GRM7: variants seen among roughly 807,000 people sequenced by gnomAD.
GRM7 encodes metabotropic glutamate receptor 7.
In GRM7, 35 loss-of-function variants were observed where a neutral mutation model predicts 84.5. The ratio of observed to expected loss-of-function variants is 0.41; its 90% CI spans 0.32 to 0.55. The LOEUF is 0.55. GRM7 is among the 20% of genes least tolerant of loss of function. The pLI is 0.19. For missense variants in GRM7, 1,003 were observed against 1,194.6 expected, an observed-to-expected ratio of 0.84 and a Z score of 2.36; for synonymous variants, 487 against 455.1, an observed-to-expected ratio of 1.07 and a Z score of -0.89.
chr3:7,226,988 A>C (rs1697004366), intron 2 of GRM7, among the ~76,000 whole-genome samples: 2 of 152,232 alleles, frequency 1.3e-5, no homozygotes, highest in South Asian at 4.1e-4. Context: ...TTCCAAGGAC[A>C]TTCTGATTTT....
At chr3:7,736,521 C>G (rs1702505679) in intron 9 of GRM7, among the ~76,000 whole-genome samples, 1 of 151,894 alleles carries the variant, frequency 6.6e-6, no homozygotes, top group Non-Finnish European at 1.5e-5. Flanking sequence ...TATATGAAAC[C>G]AGATTTCAAG....
At position 6,928,464 on chromosome 3, in the gene GRM7, C is replaced by T. The variant is rs78232740; in HGVS notation, c.519+66557C>T. On this transcript the variant is annotated intron_variant, in intron 1 of 9. Transcript: ENST00000357716. This position sits in a 1 kb window ranked among gnomAD's most constrained non-coding sequence, Gnocchi z 4.5. ...TGAGAAAGGATTTAAATGTGAAAGT[C>T]ATTATGCAAATGATAAATATTATTT... is the stretch of plus-strand genomic sequence containing the variant. Among the ~76,000 whole-genome samples the T allele has an allele frequency of 0.079, 12,014 of 152,110 alleles. 581 individuals carry two copies. Among genetic ancestry groups the T allele is most frequent in the Admixed American group, 0.11 (1,703 of 15,270 alleles).
At chr3:6,901,991 T>C (rs1218393654) in intron 1 of GRM7, among the ~76,000 whole-genome samples, 3 of 152,142 alleles carry the variant, frequency 2.0e-5, no homozygotes, top group African/African-American at 4.8e-5. Context: ...TTTTTTTTAT[T>C]TGCCCTATGA....
At chr3:7,023,960 G>C (rs1407165854) in intron 1 of GRM7, among the ~76,000 whole-genome samples, 3 of 152,152 alleles carry the variant, frequency 2.0e-5, no homozygotes, top group Non-Finnish European at 4.4e-5. Flanking sequence ...CTTCCTAGGT[G>C]GGTGATGGAG....
intron 9 of GRM7, among the ~76,000 whole-genome samples, chr3:7,689,242 AT>A (rs1237064487): frequency 6.6e-6 from 1 of 152,224 alleles, no homozygotes; most frequent in East Asian, 1.9e-4. Context: ...ATTGAATGAT[AT>A]TATAAAAATC....
At chr3:7,475,137 G>T (rs1698870062) in intron 7 of GRM7, among the ~76,000 whole-genome samples, 1 of 152,190 alleles carries the variant, frequency 6.6e-6, no homozygotes, top group Non-Finnish European at 1.5e-5. Context: ...GAACAAGGAA[G>T]ACAGAAAGGA....
chr3:6,985,569 T>C (rs900930791), intron 1 of GRM7, among the ~76,000 whole-genome samples: 3 of 152,242 alleles, frequency 2.0e-5, no homozygotes, highest in Admixed American at 2.0e-4. Context: ...ATGGATCTTG[T>C]GTTATAGATG....
intron 1 of GRM7, among the ~76,000 whole-genome samples, chr3:6,978,863 A>G (rs1467374679): frequency 6.6e-6 from 1 of 152,178 alleles, no homozygotes; most frequent in Non-Finnish European, 1.5e-5. Flanking sequence ...TTCCAGAATA[A>G]TCATTCATCC....
chr3:7,365,666 C>CATAT (rs1559269403), intron 4 of GRM7, among the ~76,000 whole-genome samples: 1 of 127,876 alleles, frequency 7.8e-6, no homozygotes, highest in African/African-American at 3.0e-5. Flanking sequence ...TATATATATA[C>CATAT]ACACACGCAC....
intron 1 of GRM7, among the ~76,000 whole-genome samples, chr3:6,982,516 C>A (rs1055462252): frequency 1.3e-5 from 2 of 151,954 alleles, no homozygotes; most frequent in South Asian, 4.1e-4. Context: ...TTTTAAGTTG[C>A]CTTTAAAGCA....
intron 2 of GRM7, among the ~76,000 whole-genome samples, chr3:7,266,198 A>AG (rs1427014943): frequency 1.3e-5 from 2 of 152,220 alleles, no homozygotes; most frequent in Non-Finnish European, 2.9e-5. Flanking sequence ...TCATTGTTCA[A>AG]GGGAAAAAAA....
chr3:7,540,429 G>T (rs905872053), intron 7 of GRM7, among the ~76,000 whole-genome samples: 2 of 152,190 alleles, frequency 1.3e-5, no homozygotes, highest in Non-Finnish European at 2.9e-5. Flanking sequence ...GCATGCTTCA[G>T]TAGGAATTAT....
chr3:7,295,358 A>G (rs953079359), intron 2 of GRM7, among the ~76,000 whole-genome samples: 9 of 152,122 alleles, frequency 5.9e-5, no homozygotes, highest in African/African-American at 9.7e-5. Flanking sequence ...AACAGTCTAT[A>G]CTTTTTACCA....
intron 8 of GRM7, among the ~76,000 whole-genome samples, chr3:7,664,177 C>G (rs3804846): frequency 0.41 from 62,866 of 152,048 alleles, 15,430 homozygotes; most frequent in Non-Finnish European, 0.56. Context: ...TGAGAGTCCT[C>G]TTTCCTATGG....
chr3:7,022,762 G>C (rs984974665), intron 1 of GRM7, among the ~76,000 whole-genome samples: 3 of 152,032 alleles, frequency 2.0e-5, no homozygotes, highest in Non-Finnish European at 4.4e-5. Context: ...CAGAAACAGG[G>C]GTCGTCTTTG....
chr3:7,091,612 G>A (rs1236754507), intron 1 of GRM7, among the ~76,000 whole-genome samples: 3 of 151,422 alleles, frequency 2.0e-5, no homozygotes, highest in East Asian at 1.9e-4. Context: ...TGTGCAGGAG[G>A]AGAGATGCTG....
chr3:7,231,857 T>C (rs115969293), intron 2 of GRM7, among the ~76,000 whole-genome samples: 1 of 152,290 alleles, frequency 6.6e-6, no homozygotes, highest in African/African-American at 2.4e-5. Context: ...CAGTATTTCA[T>C]TTCAACATTT....
chr3:7,732,391 G>C (rs900031084), intron 9 of GRM7, among the ~76,000 whole-genome samples: 3 of 152,126 alleles, frequency 2.0e-5, no homozygotes, highest in Non-Finnish European at 4.4e-5. Context: ...GCTTCACCCT[G>C]GTTGTGTATG....
chr3:7,277,021 A>G (rs887588644), intron 2 of GRM7, among the ~76,000 whole-genome samples: 1 of 151,972 alleles, frequency 6.6e-6, no homozygotes, highest in Non-Finnish European at 1.5e-5. Context: ...TGTAGCTGGT[A>G]GTTAATCCAG....
Sources: allele counts gnomAD v4.1 joint callset (sites outside exome capture counted in the v4.1 genomes callset), GRCh38; gene constraint gnomAD v4.1.1; non-coding constraint Gnocchi (gnomAD v3.1); transcripts MANE v1.5; gene names NCBI Gene and HGNC (gene_info 2026-07-23, HGNC 2026-07-21).